The following RNF150 variants were observed in gnomAD, a reference collection of about 807,000 sequenced individuals.
RNF150 encodes ring finger protein 150.
Under a neutral mutation model 39.3 loss-of-function variants are expected in RNF150, and 24 were observed. That is an observed-to-expected ratio of 0.61 (90% CI 0.44 to 0.86). RNF150 has a LOEUF of 0.86. RNF150 is among the 40% of genes least tolerant of loss of function. The pLI, the probability that RNF150 is intolerant of heterozygous loss-of-function variation, is 0.00. For synonymous variants in RNF150, 255 were observed against 227.3 expected (o/e 1.12, Z -1.10); for missense variants, 502 against 587.8 (o/e 0.85, Z 1.51).
intron 1 of RNF150, among the ~76,000 whole-genome samples, chr4:141,192,729 G>C (rs867624859): frequency 1.3e-5 from 2 of 152,264 alleles, no homozygotes; most frequent in South Asian, 4.1e-4. Context: ...CCCTGCCAGG[G>C]TATAATCCCT....
intron 6 of RNF150, among the ~76,000 whole-genome samples, chr4:140,879,144 C>T (rs908539962): frequency 9.9e-5 from 15 of 152,164 alleles, no homozygotes; most frequent in African/African-American, 3.6e-4. Context: ...ATTACCATCA[C>T]TCTGTAATAT....
intron 6 of RNF150, among the ~76,000 whole-genome samples, chr4:140,895,246 G>A (rs1308443514): frequency 2.6e-5 from 4 of 152,176 alleles, no homozygotes; most frequent in Non-Finnish European, 5.9e-5. Flanking sequence ...AGCATCATAA[G>A]TGAGTATATT....
At chr4:141,090,801 TTTTTG>T (rs987787044) in intron 1 of RNF150, among the ~76,000 whole-genome samples, 1 of 152,154 alleles carries the variant, frequency 6.6e-6, no homozygotes, top group African/African-American at 2.4e-5. Flanking sequence ...GGCCAATGGT[TTTTTG>T]TTTTGTTTTT....
At chr4:140,967,906 G>A (rs1161475453) in intron 1 of RNF150, 33 bp from the exon 2 acceptor site, 1 of 1,603,202 alleles carries the variant, frequency 6.2e-7, no homozygotes, top group East Asian at 2.2e-5. Flanking sequence ...GGGCAATAAA[G>A]GTTAGGGGAT....
chr4:141,199,301 G>A (rs959722454), intron 1 of RNF150, among the ~76,000 whole-genome samples: 37 of 152,198 alleles, frequency 2.4e-4, no homozygotes, highest in African/African-American at 8.0e-4. Flanking sequence ...AATTTGGAAA[G>A]TAGTTTGTCA....
At chr4:141,207,085 C>T (rs1728386584) in intron 1 of RNF150, among the ~76,000 whole-genome samples, 1 of 152,184 alleles carries the variant, frequency 6.6e-6, no homozygotes, top group South Asian at 2.1e-4. Context: ...TACTCACCCA[C>T]ATTGAGGGTG....
intron 1 of RNF150, among the ~76,000 whole-genome samples, chr4:141,069,845 C>T (rs144654151): frequency 0.01 from 1,535 of 152,148 alleles, 14 homozygotes; most frequent in East Asian, 0.06. Flanking sequence ...AGTTTATTTG[C>T]GTAGAGGTGT....
intron 1 of RNF150, among the ~76,000 whole-genome samples, chr4:141,169,644 G>A (rs1427839308): frequency 6.6e-6 from 1 of 152,022 alleles, no homozygotes; most frequent in Non-Finnish European, 1.5e-5. Flanking sequence ...TCATTTGGCT[G>A]ATCTCTTCAG....
At chr4:141,052,580 T>C (rs1736818540) in intron 1 of RNF150, among the ~76,000 whole-genome samples, 1 of 152,158 alleles carries the variant, frequency 6.6e-6, no homozygotes, top group African/African-American at 2.4e-5. Flanking sequence ...TTCACTACGT[T>C]GGCCAGGCTG....
chr4:141,000,545 T>G (rs1734627508), intron 1 of RNF150, among the ~76,000 whole-genome samples: 1 of 152,226 alleles, frequency 6.6e-6, no homozygotes, highest in Non-Finnish European at 1.5e-5. Flanking sequence ...AATAGGCTAA[T>G]AACTCCTTTG....
chr4:140,964,672 T>C (rs1305578732), intron 2 of RNF150, among the ~76,000 whole-genome samples: 1 of 152,058 alleles, frequency 6.6e-6, no homozygotes, highest in Non-Finnish European at 1.5e-5. Context: ...AGATTAAACA[T>C]CATAAAGTTA....
intron 1 of RNF150, among the ~76,000 whole-genome samples, chr4:140,980,149 T>C (rs531227681): frequency 6.6e-6 from 1 of 152,206 alleles, no homozygotes; most frequent in African/African-American, 2.4e-5. Flanking sequence ...TTCAAGTGAT[T>C]CTCCTGTCTT....
rs908513882 is a variant in RNF150, at chr4:140,921,832, G to C, written c.987+4145C>G. Among the ~76,000 whole-genome samples the C allele has an allele frequency of 4.6e-5, 7 of 152,160 alleles. No individual in the cohort carries two copies. In the East Asian group the frequency reaches 5.8e-4, roughly 13 times the overall value. On this transcript the variant is annotated intron_variant, in intron 5 of 6. Coordinates refer to ENST00000515673, the MANE Select transcript of RNF150 (RefSeq NM_020724.2). ...GTTCAACATATGCAAATCAATAAAC[G>C]TAATCCAGCATATAAACAGAACCAA...
intron 1 of RNF150, among the ~76,000 whole-genome samples, chr4:141,090,110 A>C (rs1417890685): frequency 6.6e-6 from 1 of 152,220 alleles, no homozygotes; most frequent in Non-Finnish European, 1.5e-5. Flanking sequence ...CAATGTTAAC[A>C]TGTGACTTCT....
chr4:140,894,430 T>A (rs1405342759), intron 6 of RNF150, among the ~76,000 whole-genome samples: 1 of 152,230 alleles, frequency 6.6e-6, no homozygotes, highest in Non-Finnish European at 1.5e-5. Flanking sequence ...AACATGTGGC[T>A]CACGTAGTTT....
At chr4:140,873,961 C>T (rs759482844) in intron 6 of RNF150, among the ~76,000 whole-genome samples, 8 of 152,098 alleles carry the variant, frequency 5.3e-5, no homozygotes, top group East Asian at 1.9e-4. Context: ...CCACCATGCC[C>T]GGCCTATTCT....
At chr4:140,994,239 T>C (rs1050208461) in intron 1 of RNF150, among the ~76,000 whole-genome samples, 7 of 151,604 alleles carry the variant, frequency 4.6e-5, no homozygotes, top group Non-Finnish European at 8.8e-5. Flanking sequence ...CCTGCAAGAG[T>C]TTAAAGAGGG....
At chr4:141,113,384 A>G (rs1449824140) in intron 1 of RNF150, among the ~76,000 whole-genome samples, 1 of 151,806 alleles carries the variant, frequency 6.6e-6, no homozygotes, top group African/African-American at 2.4e-5. Flanking sequence ...CTTCAATAAA[A>G]CAGACCTTAA....
chr4:140,873,610 T>C (rs1259271718), intron 6 of RNF150, among the ~76,000 whole-genome samples: 1 of 152,172 alleles, frequency 6.6e-6, no homozygotes, highest in African/African-American at 2.4e-5. Flanking sequence ...GTCATCTCAT[T>C]CTCTGTCTTC....
Sources: gnomAD v4.1 joint callset for allele counts (sites outside exome capture counted in the v4.1 genomes callset) on GRCh38, gnomAD v4.1.1 for gene constraint, MANE v1.5 for transcripts, NCBI Gene and HGNC (gene_info 2026-07-23, HGNC 2026-07-21) for gene names.